Variants in IQCB1 observed in about 807,000 individuals in gnomAD.
The protein encoded by IQCB1 is IQ motif containing B1.
IQCB1 carries 56 observed loss-of-function variants against 84.4 expected under a neutral mutation model. That is an observed-to-expected ratio of 0.66 (90% confidence interval 0.54 to 0.83). The LOEUF (loss-of-function observed/expected upper bound fraction) is 0.83. Ranked by LOEUF, IQCB1 falls within the 40% of genes least tolerant of loss-of-function variation. The pLI, the probability that IQCB1 is intolerant of heterozygous loss-of-function variation, is 0.00. For missense variants in IQCB1, 629 were observed against 682.1 expected, an observed-to-expected ratio of 0.92 and a Z score of 0.87; for synonymous variants, 210 against 234.8, an observed-to-expected ratio of 0.89 and a Z score of 0.96.
At chr3:121,806,402 G>A (rs796120277) in intron 7 of IQCB1, among the ~76,000 whole-genome samples, 13 of 152,124 alleles carry the variant, frequency 8.5e-5, no homozygotes, top group South Asian at 6.2e-4. Context: ...ATTAGACTCC[G>A]TTTCCTCAAC....
chr3:121,813,643 C>T (rs1286895771), intron 5 of IQCB1, among the ~76,000 whole-genome samples: 1 of 152,164 alleles, frequency 6.6e-6, no homozygotes, highest in Non-Finnish European at 1.5e-5. Context: ...ATAAGACAGA[C>T]TTTAAACCAA....
chr3:121,822,844 G>A (rs942340615), intron 5 of IQCB1, among the ~76,000 whole-genome samples: 37 of 152,312 alleles, frequency 2.4e-4, no homozygotes, highest in African/African-American at 8.9e-4. Flanking sequence ...CAAGTCTTCA[G>A]AGGAAGATAC....
At chr3:121,795,211 C>A (rs1949131355) in intron 10 of IQCB1, among the ~76,000 whole-genome samples, 1 of 151,908 alleles carries the variant, frequency 6.6e-6, no homozygotes, top group South Asian at 2.1e-4. Flanking sequence ...GTAGGCTTGG[C>A]CCCTCCCCAA....
chr3:121,792,117 GT>G (rs1403370780), intron 10 of IQCB1, among the ~76,000 whole-genome samples: 1 of 152,012 alleles, frequency 6.6e-6, no homozygotes, highest in Non-Finnish European at 1.5e-5. Context: ...AACTACCTCT[GT>G]TTCTAACTTC....
chr3:121,821,532 G>A (rs1950274104), intron 5 of IQCB1, among the ~76,000 whole-genome samples: 1 of 152,102 alleles, frequency 6.6e-6, no homozygotes, highest in Non-Finnish European at 1.5e-5. Context: ...TTAGTTGTGG[G>A]CCAGAAAATA....
intron 14 of IQCB1, among the ~76,000 whole-genome samples, chr3:121,771,299 G>T (rs922364198): frequency 1.3e-5 from 2 of 151,896 alleles, no homozygotes; most frequent in Admixed American, 6.6e-5. Flanking sequence ...AATTTAAAAA[G>T]ATGTAGATTT....
chr3:121,785,859 T>C (rs1283488574), intron 12 of IQCB1, among the ~76,000 whole-genome samples: 2 of 151,730 alleles, frequency 1.3e-5, no homozygotes, highest in Admixed American at 6.6e-5. Flanking sequence ...TGCAGATCTC[T>C]AGTGTGTCTT....
At chr3:121,831,810 G>A (rs1950650573) in intron 2 of IQCB1, among the ~76,000 whole-genome samples, 1 of 152,198 alleles carries the variant, frequency 6.6e-6, no homozygotes, top group South Asian at 2.1e-4. Context: ...TTAAAAGACA[G>A]GTTTGCTGAA....
chr3:121,819,992 T>C (rs1045026294), intron 5 of IQCB1, among the ~76,000 whole-genome samples: 1 of 152,146 alleles, frequency 6.6e-6, no homozygotes, highest in African/African-American at 2.4e-5. Flanking sequence ...TGGTATGTAT[T>C]TAGATTTTAT....
At chr3:121,797,940 A>C (rs1475499254) in intron 8 of IQCB1, among the ~76,000 whole-genome samples, 3 of 151,984 alleles carry the variant, frequency 2.0e-5, no homozygotes, top group Non-Finnish European at 2.9e-5. Flanking sequence ...CACTATATGG[A>C]TCTTTTAATG....
intron 13 of IQCB1, among the ~76,000 whole-genome samples, chr3:121,778,821 A>G (rs1222794010): frequency 1.3e-5 from 2 of 150,920 alleles, no homozygotes; most frequent in African/African-American, 4.9e-5. Context: ...CAGGAGAATC[A>G]CTTGAACCCG....
intron 6 of IQCB1, 80 bp downstream of exon 6, chr3:121,808,836 T>A: frequency 1.2e-6 from 1 of 839,496 alleles, no homozygotes. Context: ...CATGTGGCAT[T>A]TGTTTTTGGA....
intron 12 of IQCB1, among the ~76,000 whole-genome samples, chr3:121,787,749 CAAA>C (rs61374218): frequency 3.7e-4 from 46 of 124,094 alleles, no homozygotes; most frequent in Middle Eastern, 4.8e-3. Context: ...GAATCCGTCT[CAAA>C]AAAAAAAAAA....
chr3:121,832,522 T>G (rs907367847), intron 2 of IQCB1, among the ~76,000 whole-genome samples: 1 of 152,116 alleles, frequency 6.6e-6, no homozygotes, highest in African/African-American at 2.4e-5. Flanking sequence ...AGATGGGGTT[T>G]CACCATGTTG....
rs114507493 is a variant in IQCB1 at position 121,779,976 on chromosome 3, G to A, written c.1410+1767C>T. 3.6e-3 allele frequency among the ~76,000 whole-genome samples: 550 copies of A among 152,234 alleles called. 4 individuals carry two copies. The highest frequency in any genetic ancestry group is 0.013 in the African/African-American group (526 of 41,538). On this transcript the variant is annotated intron_variant, in intron 13 of 14. Coordinates refer to ENST00000310864, the MANE Select transcript of IQCB1 (RefSeq NM_001023570.4). The stretch of plus-strand genomic sequence containing the variant: ...CTATGTGAGTTCCAGACACACTTCC[G>A]TCTTACCTTTTCAGATGACTCGATA...
chr3:121,816,780 T>C (rs1950078443), intron 5 of IQCB1, among the ~76,000 whole-genome samples: 1 of 152,152 alleles, frequency 6.6e-6, no homozygotes, highest in African/African-American at 2.4e-5. Flanking sequence ...CTGGAGAGGA[T>C]GTGGAGAAAT....
At chr3:121,806,647 C>T (rs1215699953) in intron 7 of IQCB1, among the ~76,000 whole-genome samples, 10 of 152,018 alleles carry the variant, frequency 6.6e-5, no homozygotes, top group Admixed American at 6.6e-4. Context: ...TTACCTTCTC[C>T]AGGAAGCACC....
At chr3:121,782,802 CCT>C (rs1377426499) in intron 12 of IQCB1, among the ~76,000 whole-genome samples, 2 of 152,174 alleles carry the variant, frequency 1.3e-5, no homozygotes, top group Non-Finnish European at 1.5e-5. Context: ...GCCTCAGCCC[CCT>C]GAGTAGCTGG....
Position 121,790,084 on chromosome 3 carries a change from A to G in IQCB1, c.1118T>C (p.Ile373Thr), listed in dbSNP as rs922338715. The change falls in exon 11 of 15, where the codon ATA becomes ACA. Residue 373 changes from isoleucine (I) to threonine (T), a missense_variant. By Grantham distance (89) the Ile-to-Thr change is moderately conservative. Transcript: ENST00000310864. ...SRELQLSMLE[I>T]VHPGQVEKHY... Reference sequence around the variant, plus strand: ...ATACTGCCACTCACCTGGATGAACTATTTCGAGCATACTCAGCTGCAATTC... The same window carrying G: ...ATACTGCCACTCACCTGGATGAACTGTTTCGAGCATACTCAGCTGCAATTC... The G allele has an allele frequency of 4.3e-6, 7 of 1,613,442 alleles. No individual in the cohort carries two copies. Among genetic ancestry groups the G allele is most frequent in the Admixed American group, 1.7e-5 (1 of 59,998 alleles).
Sources: gnomAD v4.1 joint callset for allele counts (sites outside exome capture counted in the v4.1 genomes callset) on GRCh38, gnomAD v4.1.1 for gene constraint, MANE v1.5 for transcripts, NCBI Gene and HGNC (gene_info 2026-07-23, HGNC 2026-07-21) for gene names.